Variants in PAK1 observed in about 807,000 individuals in gnomAD.
The protein encoded by PAK1 is p21 (RAC1) activated kinase 1.
A neutral mutation model predicts 67.4 loss-of-function variants in PAK1; 29 were observed. The observed-to-expected ratio is 0.43, with a 90% CI of 0.32 to 0.59. The LOEUF (loss-of-function observed/expected upper bound fraction) is 0.59. Among genes scored for constraint, PAK1 ranks in the 20% least tolerant of loss-of-function variants. The pLI, the probability that PAK1 is intolerant of heterozygous loss-of-function variation, is 0.07. For missense variants in PAK1, 337 were observed against 670.7 expected (o/e 0.50, Z 5.50); for synonymous variants, 223 against 237.4 (o/e 0.94, Z 0.56).
At chr11:77,330,507 CA>C (rs1941225585) in intron 14 of PAK1, among the ~76,000 whole-genome samples, 1 of 152,130 alleles carries the variant, frequency 6.6e-6, no homozygotes, top group Non-Finnish European at 1.5e-5. Flanking sequence ...TGATCTTTGA[CA>C]AACGTGACAA....
chr11:77,323,224 C>A lies in PAK1; in HGVS notation c.*50G>T. The stretch of plus-strand genomic sequence containing the variant: ...CAGGAGTTGGAATTTCTGAAATGTG[C>A]ATTTATCTCACAGAAGGCTTGGCAC... On this transcript the variant is annotated 3_prime_UTR_variant, in exon 15 of 15. Transcript: ENST00000356341. The A allele has an allele frequency of 6.2e-7, 1 of 1,612,584 alleles. No individual in the cohort carries two copies. Among genetic ancestry groups the A allele is most frequent in the African/African-American group, 1.3e-5 (1 of 74,954 alleles).
upstream of PAK1, chr11:77,474,209 C>T (rs1237478591): frequency 6.7e-6 from 1 of 148,448 alleles, no homozygotes; most frequent in African/African-American, 2.6e-5. Context: ...CACTCCCCCT[C>T]CCCGGCGCGG....
At chr11:77,499,918 GATAA>G in the PAK1 span, among the ~76,000 whole-genome samples, 1 of 152,104 alleles carries the variant, frequency 6.6e-6, no homozygotes, top group Non-Finnish European at 1.5e-5. Flanking sequence ...GCACTCACCT[GATAA>G]ATCCACCATC....
chr11:77,524,101 A>G, the PAK1 span, among the ~76,000 whole-genome samples: 1 of 152,262 alleles, frequency 6.6e-6, no homozygotes, highest in African/African-American at 2.4e-5. Context: ...CTTCCAAAAT[A>G]AACGCATATT....
intron 5 of PAK1, among the ~76,000 whole-genome samples, chr11:77,370,129 G>A (rs2136892696): frequency 6.6e-6 from 1 of 152,278 alleles, no homozygotes. Context: ...ATGGTTATTG[G>A]CAAGTGTTAC....
the PAK1 span, among the ~76,000 whole-genome samples, chr11:77,506,621 G>A: frequency 6.6e-6 from 1 of 152,182 alleles, no homozygotes; most frequent in Non-Finnish European, 1.5e-5. Flanking sequence ...GTGAGAAGGG[G>A]AATGGAGGAG....
rs964256229 is a variant in PAK1, at chr11:77,459,356, G to T, written c.-22+14196C>A. Among the ~76,000 whole-genome samples the T allele has an allele frequency of 3.9e-5, 6 of 152,170 alleles. No individual in the cohort carries two copies. The South Asian group carries it at 6.2e-4, about 16-fold the overall frequency. On this transcript the variant is annotated intron_variant, in intron 1 of 14. Transcript: ENST00000356341. ...GTTACTAAAAGTCAAGGGAAGAGATGATTACAGTCTAAATCAGAGCAGAAA... is the reference window on the plus strand; with the variant it reads ...GTTACTAAAAGTCAAGGGAAGAGATTATTACAGTCTAAATCAGAGCAGAAA...
chr11:77,487,998 C>T, the PAK1 span, among the ~76,000 whole-genome samples: 3 of 152,328 alleles, frequency 2.0e-5, no homozygotes, highest in South Asian at 2.1e-4. Context: ...TTAGGTCTGA[C>T]TCAGTGCAGT....
At chr11:77,486,404 A>G in the PAK1 span, among the ~76,000 whole-genome samples, 1 of 152,132 alleles carries the variant, frequency 6.6e-6, no homozygotes, top group Non-Finnish European at 1.5e-5. Context: ...GCCTCTACTA[A>G]TTGTCCTCCC....
intron 1 of PAK1, among the ~76,000 whole-genome samples, chr11:77,436,983 A>C (rs1956155284): frequency 6.6e-6 from 1 of 152,206 alleles, no homozygotes; most frequent in South Asian, 2.1e-4. Context: ...CTGTTTCTTT[A>C]TCTATAAAAT....
At chr11:77,490,758 G>A in the PAK1 span, among the ~76,000 whole-genome samples, 2 of 152,336 alleles carry the variant, frequency 1.3e-5, no homozygotes, top group East Asian at 3.9e-4. Context: ...GTAGACATGG[G>A]AAACTTTTCA....
At chr11:77,403,847 C>T (rs1397075906) in intron 1 of PAK1, among the ~76,000 whole-genome samples, 1 of 152,224 alleles carries the variant, frequency 6.6e-6, no homozygotes, top group Non-Finnish European at 1.5e-5. Flanking sequence ...TTAATCCTCA[C>T]TGCAAGTGTT....
At chr11:77,443,470 A>G (rs1269089934) in intron 1 of PAK1, among the ~76,000 whole-genome samples, 1 of 152,156 alleles carries the variant, frequency 6.6e-6, no homozygotes, top group Non-Finnish European at 1.5e-5. Flanking sequence ...CTGTAATGTA[A>G]GTATCCCCCT....
At chr11:77,413,654 G>A (rs1256171079) in intron 1 of PAK1, among the ~76,000 whole-genome samples, 2 of 151,798 alleles carry the variant, frequency 1.3e-5, no homozygotes, top group Admixed American at 1.3e-4. Context: ...CTGGACTCCA[G>A]CCTGGGCAAC....
chr11:77,343,965 A>T, intron 9 of PAK1, 34 bp from the exon 10 acceptor site: 1 of 1,395,792 alleles, frequency 7.2e-7, no homozygotes, highest in Non-Finnish European at 1.0e-6. Context: ...GTGCAACCAT[A>T]GTCATTCCCA....
At chr11:77,364,301 A>G (rs1947203119) in intron 5 of PAK1, among the ~76,000 whole-genome samples, 1 of 152,248 alleles carries the variant, frequency 6.6e-6, no homozygotes, top group African/African-American at 2.4e-5. Context: ...ACATAGATCC[A>G]TCAACAGAGG....
chr11:77,488,037 G>C, the PAK1 span, among the ~76,000 whole-genome samples: 701 of 152,326 alleles, frequency 4.6e-3, 6 homozygotes, highest in African/African-American at 0.016. Context: ...AGAGGTGCTT[G>C]TATCACTCCT....
At chr11:77,388,341 T>C (rs551649098) in intron 2 of PAK1, among the ~76,000 whole-genome samples, 3 of 152,340 alleles carry the variant, frequency 2.0e-5, no homozygotes, top group South Asian at 4.1e-4. Flanking sequence ...TATGTAATTA[T>C]AGGATTCTAT....
intron 8 of PAK1, 100 bp downstream of exon 8, chr11:77,353,436 A>T: frequency 1.3e-6 from 1 of 789,042 alleles, no homozygotes. Flanking sequence ...TGGAGAAAGA[A>T]GAACAAGGTT....
Sources: allele counts gnomAD v4.1 joint callset (sites outside exome capture counted in the v4.1 genomes callset), GRCh38; gene constraint gnomAD v4.1.1; transcripts MANE v1.5; gene names NCBI Gene and HGNC (gene_info 2026-07-23, HGNC 2026-07-21).